Variants in ZBED6 observed in about 807,000 individuals in gnomAD.
ZBED6 encodes zinc finger BED domain-containing protein 6.
In ZBED6, 40 loss-of-function variants were observed where a neutral mutation model predicts 58.4. The ratio of observed to expected loss-of-function variants is 0.68; its 90% CI spans 0.53 to 0.89. ZBED6 has a LOEUF of 0.89. Ranked by LOEUF, ZBED6 falls within the 40% of genes least tolerant of loss-of-function variation. The pLI, the probability that ZBED6 is intolerant of heterozygous loss-of-function variation, is 0.00. For missense variants in ZBED6, 1,057 were observed against 1,003.9 expected, an observed-to-expected ratio of 1.05 and a Z score of -0.71; for synonymous variants, 439 against 350.6, an observed-to-expected ratio of 1.25 and a Z score of -2.82.
At chr1:203,849,526 A>C (rs11240603) in intron 13 of ZBED6, among the ~76,000 whole-genome samples, 185 bp from the exon 14 acceptor site, 19,637 of 152,196 alleles carry the variant, frequency 0.13, 1,436 homozygotes, top group Non-Finnish European at 0.15. Context: ...ATTATTCCAT[A>C]CATCTGTAAT....
intron 16 of ZBED6, 53 bp from the exon 17 acceptor site, chr1:203,852,088 C>T: frequency 6.3e-7 from 1 of 1,596,028 alleles, no homozygotes. Flanking sequence ...CTAGGTGATT[C>T]AGCCAACTAT....
chr1:203,815,296 C>T (rs1675983860), intron 1 of ZBED6, among the ~76,000 whole-genome samples: 2 of 135,008 alleles, frequency 1.5e-5, no homozygotes, highest in Non-Finnish European at 3.1e-5. Flanking sequence ...CTCACTGCAA[C>T]CTCTGCCTCC....
intron 2 of ZBED6, among the ~76,000 whole-genome samples, chr1:203,817,912 C>A (rs1368729051): frequency 6.6e-6 from 1 of 151,990 alleles, no homozygotes; most frequent in Non-Finnish European, 1.5e-5. Context: ...GCCACCACAC[C>A]CAGCTAACTG....
chr1:203,831,791 T>C lies in ZBED6; in HGVS notation c.*3510+20T>C. The C allele has an allele frequency of 6.3e-7, 1 of 1,586,296 alleles. No homozygotes were observed. The highest frequency in any genetic ancestry group is 8.6e-7 in the Non-Finnish European group (1 of 1,160,300). ...AACAAGGTAAGGTATAGATAGGTCT[T>C]AGAGTTGTCAAGCCTCTACTTTTAT... On this transcript the variant is annotated intron_variant, in intron 8 of 16. Transcript: ENST00000550078.
chr1:203,802,104 T>G (rs1010912665), exon 1 of ZBED6: 61 of 152,772 alleles, frequency 4.0e-4, no homozygotes, highest in African/African-American at 1.4e-3. Flanking sequence ...ATGGCTATAA[T>G]GCTGCTCTGC....
chr1:203,807,342 G>A (rs1558097594), intron 1 of ZBED6, among the ~76,000 whole-genome samples: 1 of 152,300 alleles, frequency 6.6e-6, no homozygotes, highest in Non-Finnish European at 1.5e-5. Context: ...TTGGAATACA[G>A]TGATGTGATC....
intron 3 of ZBED6, among the ~76,000 whole-genome samples, chr1:203,826,209 A>G (rs1193671773): frequency 6.6e-6 from 1 of 152,166 alleles, no homozygotes; most frequent in Non-Finnish European, 1.5e-5. Context: ...TAGTTCTTTG[A>G]AAGTAACGGT....
At chr1:203,810,785 G>T (rs1674203915) in intron 1 of ZBED6, among the ~76,000 whole-genome samples, 1 of 151,974 alleles carries the variant, frequency 6.6e-6, no homozygotes. Context: ...ATCTACTCAG[G>T]ATTCCATTTC....
chr1:203,806,144 G>C, intron 1 of ZBED6: 1 of 503,588 alleles, frequency 2.0e-6, no homozygotes, highest in Non-Finnish European at 4.0e-6. Flanking sequence ...TACTTCACTA[G>C]CTCAGCATCC....
In ZBED6 at chr1:203,830,550, C is replaced by G. The variant is rs552271084; in HGVS notation, c.*3399+347C>G. On this transcript the variant is annotated intron_variant, in intron 7 of 16. Coordinates refer to ENST00000550078, the Ensembl canonical transcript of ZBED6. Reference sequence around the variant, plus strand: ...AGGAAAGGCTGGGCGTGGTGGCTCACGCCTGTAATCCCAGCACTTTGGGAG... The same window carrying G: ...AGGAAAGGCTGGGCGTGGTGGCTCAGGCCTGTAATCCCAGCACTTTGGGAG... 1.6e-3 allele frequency among the ~76,000 whole-genome samples: 251 copies of G among 152,294 alleles called. 1 individual carries two copies. The highest frequency in any genetic ancestry group is 2.7e-3 in the Admixed American group (42 of 15,302).
At chr1:203,822,635 C>A (rs1039604884) in intron 3 of ZBED6, among the ~76,000 whole-genome samples, 1 of 152,126 alleles carries the variant, frequency 6.6e-6, no homozygotes, top group African/African-American at 2.4e-5. Flanking sequence ...AGTATATATT[C>A]TTCATCCTAC....
Position 203,797,544 on chromosome 1 carries a change from G to GTACA in ZBED6, c.25_26insATAC (p.Pro9HisfsTer16), listed in dbSNP as rs1668962398. ...GAGAATGAGTGTATGTACTCTAAGT[G>GTACA]TACCAGTTTCTTCACTCTCTCCTGG... is the stretch of plus-strand genomic sequence containing the variant. On this transcript the variant is annotated frameshift_variant, in exon 1 of 17. Transcript: ENST00000550078. LOFTEE classifies it high-confidence loss of function. The GTACA allele has an allele frequency of 6.6e-7, 1 of 1,524,672 alleles. No homozygotes were observed. The highest frequency in any genetic ancestry group is 2.4e-5 in the East Asian group (1 of 40,904). 94.4% of individuals were successfully genotyped at this position (1,524,672 alleles called of 1,614,324 possible).
At chr1:203,798,310 G>C (rs1275150102) in exon 1 of ZBED6, 2 of 1,536,130 alleles carry the variant, frequency 1.3e-6, no homozygotes, top group South Asian at 1.2e-5. Context: ...CCTGGAACTA[G>C]AGCCAAGACA....
chr1:203,847,900 G>C (rs1050149821), intron 12 of ZBED6, among the ~76,000 whole-genome samples: 2 of 152,142 alleles, frequency 1.3e-5, no homozygotes, highest in African/African-American at 4.8e-5. Context: ...CTGTCACCCA[G>C]GCTGCAGTGC....
At chr1:203,824,801 C>CGGA (rs1558118276) in intron 3 of ZBED6, among the ~76,000 whole-genome samples, 1 of 152,014 alleles carries the variant, frequency 6.6e-6, no homozygotes, top group African/African-American at 2.4e-5. Context: ...ATTGTTAGGC[C>CGGA]GGACACGGTG....
At chr1:203,806,021 G>A (rs1672207258) in intron 1 of ZBED6, 2 of 547,604 alleles carry the variant, frequency 3.7e-6, no homozygotes, top group African/African-American at 1.9e-5. Flanking sequence ...AATGACTCTT[G>A]GGTGCGATTG....
chr1:203,809,172 GTTTTTTTTTTTT>G (rs33926996), intron 1 of ZBED6, among the ~76,000 whole-genome samples: 1 of 83,248 alleles, frequency 1.2e-5, no homozygotes, highest in South Asian at 4.8e-4. Flanking sequence ...TCTTCTCACT[GTTTTTTTTTTTT>G]TTTTTTTTTG....
rs894709006 is a variant in ZBED6 at position 203,799,967 on chromosome 1, A to G, written c.2445A>G (p.Ser815=). 40 of 1,536,056 alleles carry G rather than the reference A, an allele frequency of 2.6e-5. No individual in the cohort carries two copies. The Admixed American group carries it at 3.5e-4, about 14-fold the overall frequency. ...CAGAGATCTGCCAAATTCCAACTTC[A>G]GAAGCTTCTTGTCCCTCAGTTACAG... The change falls in exon 1 of 17, where the codon TCA becomes TCG. Residue 815 remains serine, a synonymous_variant. Coordinates refer to ENST00000550078, the Ensembl canonical transcript of ZBED6.
intron 1 of ZBED6, among the ~76,000 whole-genome samples, chr1:203,809,910 C>T (rs750405501): frequency 1.3e-5 from 2 of 152,008 alleles, no homozygotes; most frequent in African/African-American, 4.8e-5. Context: ...GTCAAGATCA[C>T]GCAACTGCAC....
Sources: gnomAD v4.1 joint callset for allele counts (sites outside exome capture counted in the v4.1 genomes callset) on GRCh38, gnomAD v4.1.1 for gene constraint, MANE v1.5 for transcripts, NCBI Gene and HGNC (gene_info 2026-07-23, HGNC 2026-07-21) for gene names.